Variants in ADAMTS6 observed in about 807,000 individuals in gnomAD.
ADAMTS6 encodes the protein A disintegrin and metalloproteinase with thrombospondin motifs 6.
ADAMTS6 carries 23 observed loss-of-function variants against 144.3 expected under a neutral mutation model. The ratio of observed to expected loss-of-function variants is 0.16; its 90% CI spans 0.11 to 0.23. The LOEUF is 0.23. Ranked by LOEUF, ADAMTS6 falls within the 10% of genes least tolerant of loss-of-function variation. ADAMTS6 has a pLI of 1.00. For missense variants in ADAMTS6, 999 were observed against 1,379.6 expected (o/e 0.72, Z 4.37); for synonymous variants, 444 against 457.5 (o/e 0.97, Z 0.38).
At chr5:65,350,668 G>T (rs1332403917) in intron 7 of ADAMTS6, among the ~76,000 whole-genome samples, 1 of 151,958 alleles carries the variant, frequency 6.6e-6, no homozygotes, top group Non-Finnish European at 1.5e-5. Context: ...GGCGTGAGGG[G>T]GTGGGGAGGG....
At chr5:65,288,388 C>T (rs1046982117) in intron 11 of ADAMTS6, among the ~76,000 whole-genome samples, 8 of 150,668 alleles carry the variant, frequency 5.3e-5, no homozygotes, top group African/African-American at 7.3e-5. Context: ...GGCACTATCT[C>T]GGCTCACTGC....
At chr5:65,234,681 T>C (rs1758534790) in intron 15 of ADAMTS6, among the ~76,000 whole-genome samples, 3 of 152,262 alleles carry the variant, frequency 2.0e-5, no homozygotes, top group Non-Finnish European at 2.9e-5. Context: ...GCAGTGCCAT[T>C]ATGGAAAACA....
chr5:65,452,599 T>C (rs1758842237), intron 5 of ADAMTS6, 108 bp downstream of exon 5: 2 of 1,203,188 alleles, frequency 1.7e-6, no homozygotes, highest in Middle Eastern at 2.2e-4. Context: ...TTTACCATTT[T>C]AGACAGGTAA....
intron 7 of ADAMTS6, among the ~76,000 whole-genome samples, chr5:65,385,170 T>C (rs1040533315): frequency 1.3e-5 from 2 of 152,220 alleles, no homozygotes; most frequent in Non-Finnish European, 2.9e-5. Context: ...ATTCAGATCA[T>C]AGCACATTGT....
intron 7 of ADAMTS6, among the ~76,000 whole-genome samples, chr5:65,386,529 C>T (rs1752487514): frequency 6.6e-6 from 1 of 152,110 alleles, no homozygotes; most frequent in Non-Finnish European, 1.5e-5. Flanking sequence ...ATTTATACTA[C>T]CAAGCACAGG....
intron 7 of ADAMTS6, among the ~76,000 whole-genome samples, chr5:65,353,673 C>T (rs1749059577): frequency 6.6e-6 from 1 of 151,818 alleles, no homozygotes; most frequent in African/African-American, 2.4e-5. Flanking sequence ...TATATTAATT[C>T]ATTTATTCAA....
intron 11 of ADAMTS6, among the ~76,000 whole-genome samples, chr5:65,279,946 T>A (rs1461187140): frequency 1.3e-5 from 2 of 152,242 alleles, no homozygotes; most frequent in Non-Finnish European, 2.9e-5. Flanking sequence ...TTTCTTTGCG[T>A]ATTCTGTGCC....
intron 8 of ADAMTS6, among the ~76,000 whole-genome samples, chr5:65,329,700 A>G (rs2150057656): frequency 6.6e-6 from 1 of 152,262 alleles, no homozygotes. Context: ...AGTGCTGGAA[A>G]ATGTCTAGAC....
chr5:65,365,030 C>T (rs1162817320), intron 7 of ADAMTS6, among the ~76,000 whole-genome samples: 1 of 152,080 alleles, frequency 6.6e-6, no homozygotes, highest in East Asian at 1.9e-4. Flanking sequence ...GCTCAAGGCC[C>T]AGGCAGAGAG....
At chr5:65,475,246 A>G (rs1024336580) in intron 1 of ADAMTS6, among the ~76,000 whole-genome samples, 1 of 152,230 alleles carries the variant, frequency 6.6e-6, no homozygotes. Flanking sequence ...CTACGGTGAT[A>G]GAAATATTGG....
intron 15 of ADAMTS6, among the ~76,000 whole-genome samples, chr5:65,228,295 T>C (rs1322617508): frequency 6.6e-6 from 1 of 152,210 alleles, no homozygotes; most frequent in East Asian, 1.9e-4. Context: ...ACATTAATTA[T>C]GTAACGTAAT....
At chr5:65,330,295 A>G (rs1746589325) in intron 8 of ADAMTS6, among the ~76,000 whole-genome samples, 1 of 152,182 alleles carries the variant, frequency 6.6e-6, no homozygotes, top group African/African-American at 2.4e-5. Flanking sequence ...TGTGTGAAAT[A>G]CTACAGAACT....
At chr5:65,421,758 G>A (rs961940415) in intron 7 of ADAMTS6, among the ~76,000 whole-genome samples, 21 of 152,228 alleles carry the variant, frequency 1.4e-4, no homozygotes, top group African/African-American at 3.6e-4. Flanking sequence ...GGATAGCCAC[G>A]TGTAGAAGAA....
At chr5:65,177,608 G>A (rs964153417) in intron 22 of ADAMTS6, among the ~76,000 whole-genome samples, 3 of 152,172 alleles carry the variant, frequency 2.0e-5, no homozygotes, top group Non-Finnish European at 4.4e-5. Context: ...TAAAGAGCAA[G>A]GATGGACTGC....
chr5:65,426,536 A>C (rs77649245), intron 7 of ADAMTS6, among the ~76,000 whole-genome samples: 12,741 of 152,098 alleles, frequency 0.084, 626 homozygotes, highest in Non-Finnish European at 0.11. Flanking sequence ...AAAAGCAAAA[A>C]AAATTGTCAA....
chr5:65,259,907 G>T (rs948334847), intron 14 of ADAMTS6, among the ~76,000 whole-genome samples: 1 of 152,180 alleles, frequency 6.6e-6, no homozygotes, highest in African/African-American at 2.4e-5. Flanking sequence ...GTGGTTTTTA[G>T]ATAGGGGGAG....
chr5:65,465,118 T>A (rs1034238854), intron 3 of ADAMTS6, among the ~76,000 whole-genome samples: 1 of 152,234 alleles, frequency 6.6e-6, no homozygotes, highest in Non-Finnish European at 1.5e-5. Flanking sequence ...TCATTAATAA[T>A]TTTAACTGTA....
At chr5:65,155,507 T>C (rs749191107) in intron 24 of ADAMTS6, among the ~76,000 whole-genome samples, 3 of 152,136 alleles carry the variant, frequency 2.0e-5, no homozygotes, top group Non-Finnish European at 4.4e-5. Flanking sequence ...ATATATAACA[T>C]AGAAAAGATC....
chr5:65,170,926 G>A (rs991747501), intron 23 of ADAMTS6, among the ~76,000 whole-genome samples, 153 bp from the exon 24 acceptor site: 11 of 63,744 alleles, frequency 1.7e-4, no homozygotes, highest in South Asian at 9.7e-4. Context: ...GGCTGGTCTC[G>A]AACCTGACCT....
Sources: gnomAD v4.1 joint callset for allele counts (sites outside exome capture counted in the v4.1 genomes callset) on GRCh38, gnomAD v4.1.1 for gene constraint, MANE v1.5 for transcripts, NCBI Gene and HGNC (gene_info 2026-07-23, HGNC 2026-07-21) for gene names.